The following SLCO3A1 variants were observed in gnomAD, a reference collection of about 807,000 sequenced individuals.
SLCO3A1 encodes the protein solute carrier organic anion transporter family member 3A1.
A neutral mutation model predicts 63.1 loss-of-function variants in SLCO3A1; 27 were observed. The observed-to-expected ratio is 0.43, with a 90% CI of 0.32 to 0.59. The LOEUF is 0.59. SLCO3A1 is among the 20% of genes least tolerant of loss of function. The pLI is 0.09. For missense variants in SLCO3A1, 773 were observed against 945.8 expected, an observed-to-expected ratio of 0.82 and a Z score of 2.40; for synonymous variants, 473 against 409.9, an observed-to-expected ratio of 1.15 and a Z score of -1.86.
chr15:92,074,755 C>G (rs1293908936), intron 2 of SLCO3A1, among the ~76,000 whole-genome samples: 1 of 140,284 alleles, frequency 7.1e-6, no homozygotes, highest in African/African-American at 2.6e-5. Context: ...GTCTGGGAAT[C>G]TCGAGAGAGC....
intron 2 of SLCO3A1, among the ~76,000 whole-genome samples, chr15:92,050,146 C>T (rs558929764): frequency 4.6e-5 from 7 of 152,306 alleles, no homozygotes; most frequent in African/African-American, 1.7e-4. Context: ...TGGCCTTTAG[C>T]TTCTGGTCTT....
chr15:92,114,434 G>T (rs1044605559), intron 4 of SLCO3A1, among the ~76,000 whole-genome samples: 5 of 152,086 alleles, frequency 3.3e-5, no homozygotes, highest in Non-Finnish European at 7.4e-5. Flanking sequence ...TTGGTCCCAC[G>T]TGGCTTCTGG....
Position 91,853,830 on chromosome 15 carries a change from C to T in SLCO3A1, c.-79C>T. ...AGCACGCAGCCTCGAGGCGCGCACC[C>T]CCGCCCGGCAGCGGCCCCGACACCC... On this transcript the variant is annotated 5_prime_UTR_variant, in exon 1 of 10. Transcript: ENST00000318445. 2 of 1,182,630 alleles carry T rather than the reference C, an allele frequency of 1.7e-6. No homozygotes were observed. The highest frequency in any genetic ancestry group is 1.7e-5 in the African/African-American group (1 of 58,948). 73.3% of individuals were successfully genotyped at this position (1,182,630 alleles called of 1,614,324 possible).
At chr15:92,092,181 A>G (rs1787733307) in intron 2 of SLCO3A1, among the ~76,000 whole-genome samples, 1 of 152,188 alleles carries the variant, frequency 6.6e-6, no homozygotes, top group Non-Finnish European at 1.5e-5. Flanking sequence ...TGGGGATAAC[A>G]GCACAGTCTC....
intron 2 of SLCO3A1, among the ~76,000 whole-genome samples, chr15:92,010,467 T>G (rs17644334): frequency 0.23 from 35,263 of 152,076 alleles, 4,295 homozygotes; most frequent in South Asian, 0.37. Context: ...AGGACACTTA[T>G]TAACAGCTCA....
At chr15:92,016,258 A>ATAGATAGATAGATAGATAGAT (rs2046433378) in intron 2 of SLCO3A1, among the ~76,000 whole-genome samples, 1 of 126,174 alleles carries the variant, frequency 7.9e-6, no homozygotes, top group Non-Finnish European at 1.6e-5. Flanking sequence ...GATAGATTAG[A>ATAGATAGATAGATAGATAGAT]TAGATAGATA....
intron 2 of SLCO3A1, among the ~76,000 whole-genome samples, chr15:91,924,131 G>C (rs1898935194): frequency 1.3e-5 from 2 of 152,286 alleles, no homozygotes; most frequent in South Asian, 4.1e-4. Context: ...TTCTTGTTTT[G>C]AAACCCCCTT....
intron 2 of SLCO3A1, among the ~76,000 whole-genome samples, chr15:92,060,334 C>A (rs993946281): frequency 1.3e-5 from 2 of 152,002 alleles, no homozygotes; most frequent in Non-Finnish European, 2.9e-5. Flanking sequence ...CCAAGGTAGG[C>A]AGATCATTTG....
intron 4 of SLCO3A1, among the ~76,000 whole-genome samples, chr15:92,114,950 C>T (rs1189873614): frequency 2.0e-5 from 3 of 152,080 alleles, no homozygotes; most frequent in East Asian, 3.9e-4. Flanking sequence ...AATGTTAAGA[C>T]GATAACCCAA....
In SLCO3A1 at chr15:91,941,338, A is replaced by G; in HGVS notation, c.646+24880A>G. The G allele has an allele frequency of 2.8e-6, 1 of 360,084 alleles. No homozygotes were observed. Among genetic ancestry groups the G allele is most frequent in the Non-Finnish European group, 5.4e-6 (1 of 183,812 alleles). The allele number at this position is 360,084 out of a possible 1,614,324, so 22.3% of individuals were successfully genotyped here. A position where few individuals can be genotyped will look rare whatever the true frequency, so the allele number is the denominator to read the frequency against. On this transcript the variant is annotated intron_variant, in intron 2 of 9. Coordinates refer to ENST00000318445, the MANE Select transcript of SLCO3A1 (RefSeq NM_013272.4). This position sits in a 1 kb window ranked among gnomAD's most constrained non-coding sequence, Gnocchi z 4.4. Reference sequence around the variant, plus strand: ...ACACTGAATCAGTGCATGAGTGACCAGCTAGGACTGAGCCCAAAGACCTGA... The same window carrying G: ...ACACTGAATCAGTGCATGAGTGACCGGCTAGGACTGAGCCCAAAGACCTGA...
At chr15:92,145,389 G>T (rs978553065) in intron 7 of SLCO3A1, among the ~76,000 whole-genome samples, 2 of 151,050 alleles carry the variant, frequency 1.3e-5, no homozygotes, top group African/African-American at 4.9e-5. Flanking sequence ...AGGAAGGTTC[G>T]TTCTCATGTG....
intron 2 of SLCO3A1, among the ~76,000 whole-genome samples, chr15:91,943,352 C>G (rs1250037543): frequency 1.3e-5 from 2 of 152,194 alleles, no homozygotes; most frequent in Non-Finnish European, 2.9e-5. Flanking sequence ...CCTTTTGTGA[C>G]TGGTTTACTT....
At position 91,954,405 on chromosome 15, in the gene SLCO3A1, A is replaced by C. The variant is rs917972893; in HGVS notation, c.646+37947A>C. ...GCGGAGACGGGCGGGTACTGCACAG[A>C]GTGAGGCAGTCAGAAGTCCTGCCCT... is the stretch of plus-strand genomic sequence containing the variant. On this transcript the variant is annotated intron_variant, in intron 2 of 9. Coordinates refer to ENST00000318445, the MANE Select transcript of SLCO3A1 (RefSeq NM_013272.4). The surrounding 1 kb of genome is among the most constrained non-coding windows in gnomAD (Gnocchi z 4.7). Among the ~76,000 whole-genome samples the C allele has an allele frequency of 5.9e-5, 9 of 152,192 alleles. No homozygotes were observed. The highest frequency in any genetic ancestry group is 5.9e-4 in the Admixed American group (9 of 15,288).
At chr15:91,924,424 C>T (rs1421319869) in intron 2 of SLCO3A1, among the ~76,000 whole-genome samples, 2 of 152,186 alleles carry the variant, frequency 1.3e-5, no homozygotes, top group Non-Finnish European at 2.9e-5. Flanking sequence ...GTAGCTCAAA[C>T]ACACACGGTA....
In SLCO3A1 at chr15:92,147,128, G is replaced by A. The variant is rs1211104235; in HGVS notation, c.1657G>A (p.Ala553Thr). Residue 553 changes from alanine (A) to threonine (T), a missense_variant, in exon 8 of 10, where the codon GCA (alanine) becomes ACA (threonine). Coordinates refer to ENST00000318445, the MANE Select transcript of SLCO3A1 (RefSeq NM_013272.4). ...TATCTGCAGCCTGATCGGTGCCATG[G>A]CACAGACACCCTCAGTCATCATCCT... The part of the protein sequence containing the change: ...MCICSLIGAM[A>T]QTPSVIILIR... The A allele has an allele frequency of 8.7e-6, 14 of 1,613,812 alleles. No homozygotes were observed. The highest frequency in any genetic ancestry group is 1.2e-5 in the Non-Finnish European group (14 of 1,179,920).
intron 1 of SLCO3A1, among the ~76,000 whole-genome samples, chr15:91,898,173 A>T (rs1304217122): frequency 6.6e-6 from 1 of 151,948 alleles, no homozygotes; most frequent in African/African-American, 2.4e-5. Context: ...TGCCTGTGTC[A>T]CTGGTGCACA....
chr15:91,881,476 G>T lies in SLCO3A1; in HGVS notation c.180+27388G>T, dbSNP rs533597892. Among the ~76,000 whole-genome samples the T allele has an allele frequency of 4.6e-5, 7 of 152,122 alleles. No individual in the cohort carries two copies. The South Asian group carries it at 1.5e-3, about 32-fold the overall frequency. ...TTCCTTGCATAAAATGCACGATAAA[G>T]AAAAATGTTTTTTTCTTTATCGTGC... On this transcript the variant is annotated intron_variant, in intron 1 of 9. Transcript: ENST00000318445.
intron 2 of SLCO3A1, among the ~76,000 whole-genome samples, chr15:92,044,946 C>A (rs2046842625): frequency 6.6e-6 from 1 of 152,196 alleles, no homozygotes; most frequent in East Asian, 1.9e-4. Context: ...CATCTCTCAT[C>A]TCCAGCCATC....
chr15:92,117,151 G>C (rs915311963), intron 4 of SLCO3A1, among the ~76,000 whole-genome samples: 1 of 152,194 alleles, frequency 6.6e-6, no homozygotes, highest in African/African-American at 2.4e-5. Flanking sequence ...TGCCTTTGTT[G>C]AACAGTGCCT....
Sources: allele counts gnomAD v4.1 joint callset (sites outside exome capture counted in the v4.1 genomes callset), GRCh38; gene constraint gnomAD v4.1.1; non-coding constraint Gnocchi (gnomAD v3.1); transcripts MANE v1.5; gene names NCBI Gene and HGNC (gene_info 2026-07-23, HGNC 2026-07-21).